KANSL1: variants seen among roughly 807,000 people sequenced by gnomAD.
KANSL1 encodes the protein KAT8 regulatory NSL complex subunit 1, also known as MLL1/MLL complex subunit KANSL1.
A neutral mutation model predicts 103.6 loss-of-function variants in KANSL1; 22 were observed. The ratio of observed to expected loss-of-function variants is 0.21; its 90% CI spans 0.15 to 0.30. The LOEUF (loss-of-function observed/expected upper bound fraction) is 0.30. Ranked by LOEUF, KANSL1 falls within the 10% of genes least tolerant of loss-of-function variation. The pLI, the probability that KANSL1 is intolerant of heterozygous loss-of-function variation, is 1.00. For missense variants in KANSL1, 1,337 were observed against 1,399.8 expected (o/e 0.96, Z 0.72); for synonymous variants, 600 against 527.6 (o/e 1.14, Z -1.88).
intron 7 of KANSL1, among the ~76,000 whole-genome samples, chr17:46,047,802 TAA>T (rs66740033): frequency 0.034 from 4,121 of 120,126 alleles, 176 homozygotes; most frequent in African/African-American, 0.097. Flanking sequence ...AAATAAAAAT[TAA>T]AAAAAAAAAA....
intron 1 of KANSL1, among the ~76,000 whole-genome samples, chr17:46,211,167 CA>C (rs1393593883): frequency 3.9e-5 from 4 of 103,186 alleles, no homozygotes; most frequent in Non-Finnish European, 5.6e-5. Context: ...GCCTTCAAGT[CA>C]AAAAAGGAAT....
At chr17:46,038,474 G>A (rs963682215) in intron 10 of KANSL1, 64 bp downstream of exon 10, 7 of 1,571,028 alleles carry the variant, frequency 4.5e-6, no homozygotes, top group African/African-American at 4.0e-5. Flanking sequence ...CTGTCCTCTG[G>A]AGCCACTTGA....
At chr17:46,201,114 G>A (rs144510200) in intron 1 of KANSL1, among the ~76,000 whole-genome samples, 16 of 152,282 alleles carry the variant, frequency 1.1e-4, no homozygotes, top group African/African-American at 3.1e-4. Context: ...GTTTCGCCAT[G>A]TTGGTCAGGC....
intron 2 of KANSL1, among the ~76,000 whole-genome samples, chr17:46,137,009 C>A (rs1448730849): frequency 6.6e-6 from 1 of 152,358 alleles, no homozygotes; most frequent in African/African-American, 2.4e-5. Context: ...TAAAACACTT[C>A]TCTTGAACAC....
At chr17:46,051,349 C>A (rs2077705717) in intron 6 of KANSL1, among the ~76,000 whole-genome samples, 1 of 152,148 alleles carries the variant, frequency 6.6e-6, no homozygotes, top group Non-Finnish European at 1.5e-5. Context: ...ACAGCAAATG[C>A]TCACTTTCAT....
chr17:46,105,949 C>CA (rs1567680988), intron 2 of KANSL1, among the ~76,000 whole-genome samples: 4,689 of 48,486 alleles, frequency 0.097, 79 homozygotes, highest in Middle Eastern at 0.17. Flanking sequence ...ACACACACAC[C>CA]CCCCCAGAAG....
At chr17:46,074,600 C>G (rs1212624170) in intron 4 of KANSL1, among the ~76,000 whole-genome samples, 1 of 146,148 alleles carries the variant, frequency 6.8e-6, no homozygotes, top group Non-Finnish European at 1.6e-5. Flanking sequence ...AACCTTGTCA[C>G]TACAAAAAAC....
chr17:46,127,435 T>G (rs2043626927), intron 2 of KANSL1, among the ~76,000 whole-genome samples: 2 of 152,158 alleles, frequency 1.3e-5, no homozygotes, highest in Non-Finnish European at 2.9e-5. Context: ...GGTTTTCTGG[T>G]TTTTACCAGA....
chr17:46,144,628 T>C (rs1489010910), intron 2 of KANSL1, among the ~76,000 whole-genome samples: 2 of 152,116 alleles, frequency 1.3e-5, no homozygotes, highest in Non-Finnish European at 2.9e-5. Flanking sequence ...ACGTGGAAAT[T>C]AGAGACATCC....
intron 3 of KANSL1, among the ~76,000 whole-genome samples, chr17:46,091,188 G>C (rs1017445906): frequency 6.6e-6 from 1 of 152,132 alleles, no homozygotes; most frequent in Admixed American, 6.5e-5. Context: ...GTGTGTTTGT[G>C]TCTTAGTTTT....
intron 9 of KANSL1, 74 bp downstream of exon 9, chr17:46,038,953 G>A (rs1038204864): frequency 6.5e-7 from 1 of 1,538,106 alleles, no homozygotes; most frequent in South Asian, 1.2e-5. Flanking sequence ...GGGTAATTAA[G>A]AGAAGCCTAG....
chr17:46,032,525 C>T (rs2077039628), intron 13 of KANSL1: 2 of 442,620 alleles, frequency 4.5e-6, no homozygotes, highest in African/African-American at 4.0e-5. Context: ...CAGGTGAGTC[C>T]ATAGCAAAGT....
chr17:46,087,303 T>C (rs530445907), intron 3 of KANSL1, among the ~76,000 whole-genome samples: 61 of 152,236 alleles, frequency 4.0e-4, no homozygotes, highest in Admixed American at 7.2e-4. Flanking sequence ...ACACTGTCCA[T>C]TGCCCCCAAG....
At chr17:46,101,354 AT>A (rs1487637360) in intron 2 of KANSL1, among the ~76,000 whole-genome samples, 2 of 152,236 alleles carry the variant, frequency 1.3e-5, no homozygotes, top group East Asian at 3.8e-4. Flanking sequence ...AAACATATAA[AT>A]TGACCTCTGC....
chr17:46,041,881 TGTGTGTGTG>T, intron 7 of KANSL1: 1 of 70,816 alleles, frequency 1.4e-5, no homozygotes, highest in Non-Finnish European at 3.5e-5. Context: ...ATTTATTTTG[TGTGTGTGTG>T]TGTGTGTGTG....
intron 2 of KANSL1, among the ~76,000 whole-genome samples, chr17:46,108,092 A>G (rs2042648983): frequency 6.6e-6 from 1 of 152,160 alleles, no homozygotes; most frequent in Non-Finnish European, 1.5e-5. Context: ...CCAGCCTAAT[A>G]TTGTATAAAA....
chr17:46,094,572 T>C lies in KANSL1; in HGVS notation c.1419A>G (p.Ile473Met). 3.1e-6 allele frequency: 5 copies of C among 1,613,130 alleles called. No homozygotes were observed. Among genetic ancestry groups the C allele is most frequent in the East Asian group, 2.2e-5 (1 of 44,870 alleles). The change falls in exon 3 of 15, where the codon ATA becomes ATG. Residue 473 changes from isoleucine to methionine, a missense_variant. By Grantham distance (10) the Ile-to-Met change is conservative. Around this residue, in one of 2 missense-constraint regions of KANSL1, gnomAD observed 780 missense variants for 923.4 expected, o/e 0.84. Coordinates refer to ENST00000432791, the MANE Select transcript of KANSL1 (RefSeq NM_015443.4). ...ACTTATCCCTTACCTTATTAGCACG[T>C]ATCTGTTTGTAAATGTCTGTTTGCT... ...IRQQTDIYKQ[I>M]RANKGLIVLG...
chr17:46,205,585 G>A (rs1180674212), intron 1 of KANSL1, among the ~76,000 whole-genome samples: 2 of 151,264 alleles, frequency 1.3e-5, no homozygotes, highest in Non-Finnish European at 2.9e-5. Flanking sequence ...GGAGGCTGAG[G>A]CAGTGGAATC....
chr17:46,207,948 T>C (rs577125686), intron 1 of KANSL1, among the ~76,000 whole-genome samples: 1 of 152,186 alleles, frequency 6.6e-6, no homozygotes, highest in African/African-American at 2.4e-5. Flanking sequence ...CCGTCTCTAC[T>C]AAAAAGACAA....
Sources: allele counts gnomAD v4.1 joint callset (sites outside exome capture counted in the v4.1 genomes callset), GRCh38; gene constraint gnomAD v4.1.1; regional missense constraint gnomAD v4.1.1; transcripts MANE v1.5; gene names NCBI Gene and HGNC (gene_info 2026-07-23, HGNC 2026-07-21).